Variants in TF observed in about 807,000 individuals in gnomAD.
TF encodes the protein transferrin.
A neutral mutation model predicts 82.4 loss-of-function variants in TF; 55 were observed. That is an observed-to-expected ratio of 0.67 (90% CI 0.54 to 0.84). The LOEUF is 0.84. TF is among the 40% of genes least tolerant of loss of function. The pLI, the probability that TF is intolerant of heterozygous loss-of-function variation, is 0.00. For synonymous variants in TF, 332 were observed against 332.6 expected (o/e 1.00, Z 0.02); for missense variants, 737 against 868.4 (o/e 0.85, Z 1.90).
chr3:133,722,796 G>A, the TF span, among the ~76,000 whole-genome samples: 1 of 152,164 alleles, frequency 6.6e-6, no homozygotes, highest in Admixed American at 6.5e-5. Flanking sequence ...CTAGAAGACT[G>A]AGAGTTTTAC....
rs1395916601 is a variant in TF, at chr3:133,785,074, A to G, written c.*6454A>G. On this transcript the variant is annotated 3_prime_UTR_variant, in exon 17 of 17. Transcript: ENST00000402696. ...CCTCTGCCCGGCCGCCCCTACTGGG[A>G]AGTGAGGAGCCCCTCTGCCAGGCCA... 1 of 117,046 alleles carries G rather than the reference A, an allele frequency of 8.5e-6. No individual in the cohort carries two copies. The highest frequency in any genetic ancestry group is 3.1e-5 in the African/African-American group (1 of 32,238). The allele number at this position is 117,046 out of a possible 1,614,324, so 7.3% of individuals were successfully genotyped here. A position where few individuals can be genotyped will look rare whatever the true frequency, so the allele number is the denominator to read the frequency against.
At chr3:133,724,655 T>C in the TF span, among the ~76,000 whole-genome samples, 1 of 152,226 alleles carries the variant, frequency 6.6e-6, no homozygotes, top group Non-Finnish European at 1.5e-5. Context: ...AGCTCTTTAG[T>C]TTAATTAGAT....
chr3:133,766,234 C>T, intron 11 of TF, 44 bp from the exon 12 acceptor site: 2 of 1,586,626 alleles, frequency 1.3e-6, no homozygotes, highest in Non-Finnish European at 1.7e-6. Context: ...ACTCTGGAAG[C>T]CCCAGAGGTG....
At chr3:133,664,790 G>C in the TF span, 1 of 151,356 alleles carries the variant, frequency 6.6e-6, no homozygotes, top group Non-Finnish European at 1.5e-5. Flanking sequence ...GAATATTTTT[G>C]ATCCCCGGTT....
At chr3:133,776,935 C>T (rs768036134) in intron 15 of TF, 114 bp from the exon 16 acceptor site, 34 of 947,786 alleles carry the variant, frequency 3.6e-5, no homozygotes, top group Middle Eastern at 2.7e-4. Context: ...AGACATACTC[C>T]GTAGCTTCCC....
intron 5 of TF, among the ~76,000 whole-genome samples, chr3:133,755,985 C>A (rs1268039922): frequency 2.6e-5 from 4 of 152,176 alleles, no homozygotes; most frequent in African/African-American, 9.7e-5. Context: ...CACATTTTCA[C>A]CCTCAGGAGA....
At chr3:133,721,134 T>A in the TF span, among the ~76,000 whole-genome samples, 4 of 152,104 alleles carry the variant, frequency 2.6e-5, no homozygotes, top group Admixed American at 2.0e-4. Context: ...CTTCTACCAA[T>A]TTCAGGTTTA....
the TF span, chr3:133,709,472 C>T: frequency 6.5e-6 from 1 of 152,840 alleles, no homozygotes; most frequent in South Asian, 2.1e-4. Context: ...CCTTCTCTCC[C>T]TGAAAAAGAA....
At chr3:133,775,669 A>G (rs1157965341) in intron 15 of TF, 52 bp downstream of exon 15, 2 of 1,590,914 alleles carry the variant, frequency 1.3e-6, no homozygotes, top group Non-Finnish European at 8.6e-7. Flanking sequence ...GCCATAGGCT[A>G]TTCGGGGGGA....
the TF span, among the ~76,000 whole-genome samples, chr3:133,685,892 C>T: frequency 6.6e-6 from 1 of 152,156 alleles, no homozygotes; most frequent in Non-Finnish European, 1.5e-5. Context: ...ATTGCCAAGA[C>T]AATCCTAAGC....
intron 9 of TF, among the ~76,000 whole-genome samples, chr3:133,763,365 A>G (rs1299144928): frequency 6.6e-6 from 1 of 152,236 alleles, no homozygotes; most frequent in Non-Finnish European, 1.5e-5. Flanking sequence ...AATTAAGAGA[A>G]ATAAATATAG....
chr3:133,742,912 G>A (rs1211180551), upstream of TF, among the ~76,000 whole-genome samples: 1 of 152,178 alleles, frequency 6.6e-6, no homozygotes, highest in African/African-American at 2.4e-5. Flanking sequence ...AAATTTGAGA[G>A]TTTTGCCCTG....
the TF span, among the ~76,000 whole-genome samples, chr3:133,735,061 A>G: frequency 6.6e-6 from 1 of 152,162 alleles, no homozygotes; most frequent in Non-Finnish European, 1.5e-5. Flanking sequence ...TGAGTATTAG[A>G]TGATAATAAG....
the TF span, among the ~76,000 whole-genome samples, chr3:133,733,706 C>T: frequency 6.6e-6 from 1 of 152,178 alleles, no homozygotes; most frequent in Non-Finnish European, 1.5e-5. Flanking sequence ...TAACATTGAA[C>T]AATGCTGAAT....
At chr3:133,716,496 C>T in the TF span, among the ~76,000 whole-genome samples, 1 of 152,154 alleles carries the variant, frequency 6.6e-6, no homozygotes. Context: ...TCGTCCATCA[C>T]CAAATTATAT....
rs1255911148 is a variant in TF, at chr3:133,756,990, A to G, written c.851A>G (p.Glu284Gly). ...GGCGGCAAGGAGGACTTGATCTGGGAGCTTCTCAACCAGGCCCAGGTATCC... is the reference window on the plus strand; with the variant it reads ...GGCGGCAAGGAGGACTTGATCTGGGGGCTTCTCAACCAGGCCCAGGTATCC... ...SMGGKEDLIW[E>G]LLNQAQEHFG... Residue 284 changes from glutamate (E) to glycine (G), a missense_variant, in exon 7 of 17, where the codon GAG (glutamate) becomes GGG (glycine). Glu to Gly is a moderately conservative substitution (Grantham distance 98). Coordinates refer to ENST00000402696, the MANE Select transcript of TF (RefSeq NM_001063.4). The G allele has an allele frequency of 1.2e-6, 2 of 1,613,936 alleles. No homozygotes were observed. Among genetic ancestry groups the G allele is most frequent in the Non-Finnish European group, 8.5e-7 (1 of 1,180,012 alleles).
chr3:133,714,383 G>T, the TF span, among the ~76,000 whole-genome samples: 3 of 152,124 alleles, frequency 2.0e-5, no homozygotes, highest in African/African-American at 7.2e-5. Context: ...AGACACCAGG[G>T]TATTCCACTA....
chr3:133,757,778 G>T lies in TF; in HGVS notation c.880G>T (p.Gly294Cys). 6.2e-7 allele frequency: 1 copy of T among 1,614,054 alleles called. No homozygotes were observed. The highest frequency in any genetic ancestry group is 1.1e-5 in the South Asian group (1 of 91,072). Residue 294 changes from glycine to cysteine, a missense_variant, in exon 8 of 17, where the codon GGC (glycine) becomes TGC (cysteine). Transcript: ENST00000402696. ...GTTTTTCTATGAACAGGAACATTTT[G>T]GCAAAGACAAATCAAAAGAATTCCA... ...ELLNQAQEHF[G>C]KDKSKEFQLF...
the TF span, among the ~76,000 whole-genome samples, chr3:133,666,518 C>A: frequency 1.9e-4 from 29 of 152,152 alleles, no homozygotes; most frequent in Non-Finnish European, 4.3e-4. Flanking sequence ...ATTATCGCTA[C>A]AGAAATAGTC....
Sources: allele counts gnomAD v4.1 joint callset (sites outside exome capture counted in the v4.1 genomes callset), GRCh38; gene constraint gnomAD v4.1.1; transcripts MANE v1.5; gene names NCBI Gene and HGNC (gene_info 2026-07-23, HGNC 2026-07-21).